The following POU6F2 variants were observed in gnomAD, a reference collection of about 807,000 sequenced individuals.
The protein encoded by POU6F2 is POU domain, class 6, transcription factor 2.
Under a neutral mutation model 71.3 loss-of-function variants are expected in POU6F2, and 31 were observed. That is an observed-to-expected ratio of 0.43 (90% confidence interval 0.33 to 0.59). The LOEUF is 0.59. POU6F2 is among the 20% of genes least tolerant of loss of function. POU6F2 has a pLI of 0.04. For synonymous variants in POU6F2, 347 were observed against 355.7 expected, an observed-to-expected ratio of 0.98 and a Z score of 0.27; for missense variants, 783 against 856.8, an observed-to-expected ratio of 0.91 and a Z score of 1.07.
intron 4 of POU6F2, among the ~76,000 whole-genome samples, chr7:39,327,053 G>A (rs1407766131): frequency 1.3e-5 from 2 of 152,274 alleles, no homozygotes; most frequent in East Asian, 3.9e-4. Flanking sequence ...GCTGAGGTGG[G>A]CGTATCACGA....
chr7:39,421,003 C>T (rs1787838081), intron 6 of POU6F2, among the ~76,000 whole-genome samples: 1 of 152,058 alleles, frequency 6.6e-6, no homozygotes, highest in Non-Finnish European at 1.5e-5. Flanking sequence ...TTCTGAGGGA[C>T]ATTTAAAGTA....
At chr7:39,349,122 A>G (rs1035635941) in intron 5 of POU6F2, among the ~76,000 whole-genome samples, 1 of 152,216 alleles carries the variant, frequency 6.6e-6, no homozygotes, top group African/African-American at 2.4e-5. Flanking sequence ...TGGGCCGTGG[A>G]GAAAACCAAG....
chr7:39,152,686 C>A (rs1032301103), intron 2 of POU6F2, among the ~76,000 whole-genome samples: 1 of 152,194 alleles, frequency 6.6e-6, no homozygotes, highest in Non-Finnish European at 1.5e-5. Flanking sequence ...TGAAGCCTCT[C>A]ACCACCAGCG....
chr7:39,370,640 A>C (rs993514695), intron 5 of POU6F2, among the ~76,000 whole-genome samples: 2 of 152,226 alleles, frequency 1.3e-5, no homozygotes, highest in African/African-American at 4.8e-5. Context: ...TGCAATGGCT[A>C]ATTTATGTGT....
At chr7:39,227,937 G>A (rs1794503019) in intron 4 of POU6F2, among the ~76,000 whole-genome samples, 1 of 152,162 alleles carries the variant, frequency 6.6e-6, no homozygotes, top group Admixed American at 6.5e-5. Flanking sequence ...AGAGCAGGTG[G>A]TAGGGAAACC....
At chr7:39,097,322 A>G (rs1791475394) in intron 2 of POU6F2, among the ~76,000 whole-genome samples, 1 of 152,226 alleles carries the variant, frequency 6.6e-6, no homozygotes, top group African/African-American at 2.4e-5. Flanking sequence ...TAGAAGAACA[A>G]TCTTTTCCTC....
intron 2 of POU6F2, among the ~76,000 whole-genome samples, chr7:39,121,967 G>T (rs1012425467): frequency 3.9e-5 from 6 of 152,154 alleles, no homozygotes; most frequent in African/African-American, 1.4e-4. Context: ...CTAAAGTTCT[G>T]GGATTATAGG....
chr7:39,134,688 C>G (rs2128730423), intron 2 of POU6F2, among the ~76,000 whole-genome samples: 1 of 152,324 alleles, frequency 6.6e-6, no homozygotes. Context: ...CCACTCCAAT[C>G]TGTGTGCAAG....
chr7:38,984,111 C>T (rs1788401288), intron 1 of POU6F2: 1 of 152,068 alleles, frequency 6.6e-6, no homozygotes, highest in South Asian at 2.1e-4. Context: ...TTCTCACTTT[C>T]ACCTATTTTC....
chr7:39,343,774 G>A (rs992851846), intron 5 of POU6F2, among the ~76,000 whole-genome samples: 22 of 152,128 alleles, frequency 1.4e-4, no homozygotes, highest in African/African-American at 4.8e-4. Context: ...TCCCTCATCC[G>A]TGTGGTCTGA....
chr7:39,263,679 A>G (rs1784184890), intron 4 of POU6F2, among the ~76,000 whole-genome samples: 1 of 150,036 alleles, frequency 6.7e-6, no homozygotes, highest in East Asian at 1.9e-4. Flanking sequence ...ACACGCACAC[A>G]CACACACACA....
At chr7:39,329,500 T>C (rs1785592083) in intron 4 of POU6F2, among the ~76,000 whole-genome samples, 1 of 152,178 alleles carries the variant, frequency 6.6e-6, no homozygotes, top group African/African-American at 2.4e-5. Context: ...AGTCATTTGA[T>C]TCTTAGGCAC....
At chr7:39,070,100 G>A (rs1162783320) in intron 1 of POU6F2, among the ~76,000 whole-genome samples, 2 of 152,120 alleles carry the variant, frequency 1.3e-5, no homozygotes, top group African/African-American at 4.8e-5. Context: ...AGCCTGACAG[G>A]CAAGAAGGAA....
intron 4 of POU6F2, among the ~76,000 whole-genome samples, chr7:39,212,408 G>T (rs897457589): frequency 6.6e-6 from 1 of 152,180 alleles, no homozygotes; most frequent in African/African-American, 2.4e-5. Flanking sequence ...GACCTTGGAA[G>T]CTCTGGGTGG....
intron 8 of POU6F2, among the ~76,000 whole-genome samples, chr7:39,458,555 G>A (rs1012083964): frequency 6.6e-6 from 1 of 152,124 alleles, no homozygotes; most frequent in Non-Finnish European, 1.5e-5. Context: ...GCTCCAGGCT[G>A]ATGTGCTCGT....
At chr7:39,428,614 A>G (rs1171756458) in intron 6 of POU6F2, among the ~76,000 whole-genome samples, 3 of 152,176 alleles carry the variant, frequency 2.0e-5, no homozygotes, top group African/African-American at 7.2e-5. Flanking sequence ...AGCAAATCCT[A>G]TGCCAAGGAG....
intron 2 of POU6F2, among the ~76,000 whole-genome samples, chr7:39,089,409 G>C (rs1016467979): frequency 6.6e-6 from 1 of 152,186 alleles, no homozygotes; most frequent in African/African-American, 2.4e-5. Flanking sequence ...ATCTGGCGCT[G>C]TGTCTCACAG....
intron 4 of POU6F2, among the ~76,000 whole-genome samples, chr7:39,332,009 T>C (rs1785664516): frequency 6.6e-6 from 1 of 152,210 alleles, no homozygotes; most frequent in Non-Finnish European, 1.5e-5. Context: ...AAAAGAAATG[T>C]GTATCTTCTT....
intron 1 of POU6F2, among the ~76,000 whole-genome samples, chr7:39,049,673 A>G (rs1527953): frequency 0.82 from 124,785 of 152,004 alleles, 51,490 homozygotes; most frequent in East Asian, 1. Flanking sequence ...TGTTATATCT[A>G]GCAGTGTGCC....
Sources: allele counts gnomAD v4.1 joint callset (sites outside exome capture counted in the v4.1 genomes callset), GRCh38; gene constraint gnomAD v4.1.1; transcripts MANE v1.5; gene names NCBI Gene and HGNC (gene_info 2026-07-23, HGNC 2026-07-21).